Variants in SLC4A10 observed in about 807,000 individuals in gnomAD.
The protein encoded by SLC4A10 is solute carrier family 4 member 10.
Under a neutral mutation model 137.7 loss-of-function variants are expected in SLC4A10, and 42 were observed. The ratio of observed to expected loss-of-function variants is 0.30; its 90% CI spans 0.24 to 0.39. The LOEUF (loss-of-function observed/expected upper bound fraction) is 0.39, where lower values mean the gene tolerates loss of function less well. Among genes scored for constraint, SLC4A10 ranks in the 10% least tolerant of loss-of-function variants. The pLI, the probability that SLC4A10 is intolerant of heterozygous loss-of-function variation, is 1.00. For synonymous variants in SLC4A10, 474 were observed against 464.1 expected (o/e 1.02, Z -0.27); for missense variants, 925 against 1,355.0 (o/e 0.68, Z 4.98).
Position 161,839,778 on chromosome 2 carries a change from T to C in SLC4A10, c.278-11T>C. On this transcript the variant is annotated splice_polypyrimidine_tract_variant and intron_variant, in intron 3 of 26. Coordinates refer to ENST00000446997, the MANE Select transcript of SLC4A10 (RefSeq NM_001178015.2). Reference sequence around the variant, plus strand: ...ACATGTTCATGGTAATACATGTCTCTGATTTTTTAGACACCCCATCACAGA... The same window carrying C: ...ACATGTTCATGGTAATACATGTCTCCGATTTTTTAGACACCCCATCACAGA... The C allele has an allele frequency of 6.2e-7, 1 of 1,613,424 alleles. No homozygotes were observed. The highest frequency in any genetic ancestry group is 8.5e-7 in the Non-Finnish European group (1 of 1,179,568).
At chr2:161,974,390 T>C (rs1699050708) in intron 24 of SLC4A10, 74 bp downstream of exon 24, 7 of 1,195,468 alleles carry the variant, frequency 5.9e-6, no homozygotes, top group Non-Finnish European at 5.8e-6. Context: ...AATTTCATAC[T>C]GTGTAGATCC....
intron 1 of SLC4A10, among the ~76,000 whole-genome samples, chr2:161,751,453 G>A (rs2048968374): frequency 6.7e-6 from 1 of 149,092 alleles, no homozygotes; most frequent in Non-Finnish European, 1.5e-5. Context: ...GTACTTACAT[G>A]AAATATTTTA....
intron 1 of SLC4A10, among the ~76,000 whole-genome samples, chr2:161,747,915 A>C (rs2048547954): frequency 6.6e-6 from 1 of 152,088 alleles, no homozygotes; most frequent in Non-Finnish European, 1.5e-5. Flanking sequence ...TTCTACCAAC[A>C]GTGTACAAGG....
At chr2:161,638,312 G>A (rs1009731820) in intron 1 of SLC4A10, among the ~76,000 whole-genome samples, 1 of 152,072 alleles carries the variant, frequency 6.6e-6, no homozygotes, top group African/African-American at 2.4e-5. Flanking sequence ...TTTTGTATAT[G>A]GTGATCCATA....
intron 8 of SLC4A10, among the ~76,000 whole-genome samples, chr2:161,875,047 G>C (rs2061379581): frequency 6.6e-6 from 1 of 152,158 alleles, no homozygotes. Flanking sequence ...GCCTTGAATA[G>C]TATTTGGTAT....
At chr2:161,933,382 CTCCCT>C (rs1022528344) in intron 15 of SLC4A10, among the ~76,000 whole-genome samples, 10 of 145,236 alleles carry the variant, frequency 6.9e-5, no homozygotes, top group African/African-American at 1.0e-4. Flanking sequence ...CTCTTTGTTT[CTCCCT>C]TCCCTTCCCT....
chr2:161,694,447 A>G (rs1023736680), intron 1 of SLC4A10, among the ~76,000 whole-genome samples: 4 of 149,422 alleles, frequency 2.7e-5, no homozygotes, highest in Non-Finnish European at 5.9e-5. Flanking sequence ...TTAATGAATG[A>G]AATTCAGAGA....
At chr2:161,672,711 A>G (rs888679908) in intron 1 of SLC4A10, among the ~76,000 whole-genome samples, 9 of 152,174 alleles carry the variant, frequency 5.9e-5, no homozygotes, top group African/African-American at 2.2e-4. Context: ...TGTCATAAGC[A>G]TTAACCTCAT....
At chr2:161,803,464 A>G (rs922325089) in intron 2 of SLC4A10, among the ~76,000 whole-genome samples, 3 of 152,122 alleles carry the variant, frequency 2.0e-5, no homozygotes, top group Non-Finnish European at 4.4e-5. Flanking sequence ...ATCTACCATT[A>G]CATTATCAAG....
intron 1 of SLC4A10, among the ~76,000 whole-genome samples, chr2:161,649,689 C>G (rs1381555065): frequency 1.3e-5 from 2 of 151,674 alleles, no homozygotes; most frequent in Admixed American, 6.6e-5. Flanking sequence ...ATTTATCAAT[C>G]TTTTCATTTG....
At position 161,783,751 on chromosome 2, in the gene SLC4A10, T is replaced by C. The variant is rs182551422; in HGVS notation, c.130+12697T>C. Among the ~76,000 whole-genome samples, 82 of 151,206 alleles carry C rather than the reference T, an allele frequency of 5.4e-4. 2 individuals carry two copies. The East Asian group carries it at 0.016, about 29-fold the overall frequency. On this transcript the variant is annotated intron_variant, in intron 2 of 26. Transcript: ENST00000446997. Reference sequence around the variant, plus strand: ...ATTATATAAACCCCATGGTATCTAATGAGAAAATACCTATAGAAAGGTATC... The same window carrying C: ...ATTATATAAACCCCATGGTATCTAACGAGAAAATACCTATAGAAAGGTATC...
chr2:161,930,047 C>T (rs1690040370), intron 15 of SLC4A10, among the ~76,000 whole-genome samples: 2 of 152,088 alleles, frequency 1.3e-5, no homozygotes, highest in African/African-American at 2.4e-5. Context: ...CCTGGTCTTT[C>T]TTGGAATAAT....
intron 1 of SLC4A10, among the ~76,000 whole-genome samples, chr2:161,689,573 G>A (rs761219157): frequency 6.6e-6 from 1 of 152,152 alleles, no homozygotes; most frequent in Non-Finnish European, 1.5e-5. Flanking sequence ...TTTGCATCAT[G>A]ACGAAATTGC....
At chr2:161,973,287 A>C (rs1157507764) in intron 23 of SLC4A10, among the ~76,000 whole-genome samples, 4 of 152,208 alleles carry the variant, frequency 2.6e-5, no homozygotes, top group Non-Finnish European at 5.9e-5. Context: ...ACCCATTTTT[A>C]AATAAATGTA....
chr2:161,853,711 G>C (rs559343726), intron 4 of SLC4A10, among the ~76,000 whole-genome samples: 5,960 of 152,284 alleles, frequency 0.039, 154 homozygotes, highest in Middle Eastern at 0.065. Flanking sequence ...TTGGTGATTT[G>C]TGGCTTAAAT....
At chr2:161,714,811 T>G (rs1049658402) in intron 1 of SLC4A10, among the ~76,000 whole-genome samples, 9 of 151,930 alleles carry the variant, frequency 5.9e-5, no homozygotes, top group Non-Finnish European at 4.4e-5. Flanking sequence ...ATGAGGACAC[T>G]AATACGTTAA....
chr2:161,703,461 A>T (rs199504202), intron 1 of SLC4A10, among the ~76,000 whole-genome samples: 37 of 151,690 alleles, frequency 2.4e-4, no homozygotes, highest in Non-Finnish European at 4.0e-4. Flanking sequence ...TAAAACTAAA[A>T]TATCAATAAT....
chr2:161,701,844 CACA>C (rs35059397), intron 1 of SLC4A10, among the ~76,000 whole-genome samples: 4,382 of 151,790 alleles, frequency 0.029, 76 homozygotes, highest in Middle Eastern at 0.048. Context: ...AAATCAAAAC[CACA>C]ACGAGATACC....
rs562224530 is a variant in SLC4A10, at chr2:161,883,881, A to G, written c.1194+1437A>G. On this transcript the variant is annotated intron_variant, in intron 10 of 26. Coordinates refer to ENST00000446997, the MANE Select transcript of SLC4A10 (RefSeq NM_001178015.2). Reference sequence around the variant, plus strand: ...ATCCAAATCATTGGATTTAGGGCCCATCCTAATTCAGGATAATTTCATCTT... The same window carrying G: ...ATCCAAATCATTGGATTTAGGGCCCGTCCTAATTCAGGATAATTTCATCTT... 1.5e-3 allele frequency among the ~76,000 whole-genome samples: 236 copies of G among 152,310 alleles called. 1 individual carries two copies. The highest frequency in any genetic ancestry group is 0.014 in the Middle Eastern group (4 of 294).
Sources: allele counts gnomAD v4.1 joint callset (sites outside exome capture counted in the v4.1 genomes callset), GRCh38; gene constraint gnomAD v4.1.1; transcripts MANE v1.5; gene names NCBI Gene and HGNC (gene_info 2026-07-23, HGNC 2026-07-21).